Variants in TUT7 observed in about 807,000 individuals in gnomAD.
The protein encoded by TUT7 is terminal uridylyl transferase 7.
In TUT7, 33 loss-of-function variants were observed where a neutral mutation model predicts 165.9. The ratio of observed to expected loss-of-function variants is 0.20; its 90% CI spans 0.15 to 0.27. The LOEUF (loss-of-function observed/expected upper bound fraction) is 0.27, where lower values mean the gene tolerates loss of function less well. TUT7 is among the 10% of genes least tolerant of loss of function. The probability of loss-of-function intolerance (pLI) is 1.00; values close to 1 mark genes in which losing one functional copy is unlikely to be tolerated. For synonymous variants in TUT7, 552 were observed against 608.1 expected (o/e 0.91, Z 1.36); for missense variants, 1,338 against 1,762.3 (o/e 0.76, Z 4.31).
In TUT7 at chr9:86,320,447, CTGT is replaced by C. The variant is rs376721315; in HGVS notation, c.3029-780_3029-778del. Among the ~76,000 whole-genome samples, 21 of 152,184 alleles carry C rather than the reference CTGT, an allele frequency of 1.4e-4. No individual in the cohort carries two copies. In the East Asian group the frequency reaches 3.9e-3, roughly 28 times the overall value. ...CCCCAAATTTGTGTTCCTTAAAGGG[CTGT>C]TAAGTAGGCTATTAATTAGCGTTAC... On this transcript the variant is annotated intron_variant, in intron 14 of 26. Transcript: ENST00000375963.
intron 7 of TUT7, among the ~76,000 whole-genome samples, chr9:86,340,576 T>C (rs1005455089): frequency 6.6e-6 from 1 of 152,208 alleles, no homozygotes; most frequent in African/African-American, 2.4e-5. Context: ...AGCTGGACAT[T>C]GTATTAGACA....
chr9:86,323,995 C>T, intron 12 of TUT7, 35 bp from the exon 13 acceptor site: 3 of 1,468,642 alleles, frequency 2.0e-6, no homozygotes, highest in Non-Finnish European at 2.7e-6. Context: ...AAAAATCCAT[C>T]TCTTCATATG....
At chr9:86,289,961 GATA>G (rs1306974557) in intron 26 of TUT7, among the ~76,000 whole-genome samples, 2 of 151,960 alleles carry the variant, frequency 1.3e-5, no homozygotes, top group Non-Finnish European at 2.9e-5. Context: ...TACACAGAAG[GATA>G]ATAATATGAA....
In TUT7 at chr9:86,354,382, A is replaced by G. The variant is rs1185096410; in HGVS notation, c.-143T>C. ...GAGAAGGCGCCCAAGAGCACTCACC[A>G]CCTTCGCCGCGGTCCCCAGCCTCTT... On this transcript the variant is annotated 5_prime_UTR_variant, in exon 1 of 27. Coordinates refer to ENST00000375963, the MANE Select transcript of TUT7 (RefSeq NM_024617.4). The G allele has an allele frequency of 6.5e-6, 1 of 152,796 alleles. No individual in the cohort carries two copies. The highest frequency in any genetic ancestry group is 2.4e-5 in the African/African-American group (1 of 41,398). The allele number at this position is 152,796 out of a possible 1,614,324, so 9.5% of individuals were successfully genotyped here. A position where few individuals can be genotyped will look rare whatever the true frequency, so the allele number is the denominator to read the frequency against.
At chr9:86,345,211 C>A in intron 4 of TUT7, 57 bp from the exon 5 acceptor site, 1 of 1,525,676 alleles carries the variant, frequency 6.6e-7, no homozygotes, top group South Asian at 1.3e-5. Flanking sequence ...TGACCTTCTA[C>A]CACTCATGAA....
chr9:86,319,628 T>C lies in TUT7; in HGVS notation c.3071A>G (p.His1024Arg), dbSNP rs768224224. 1 of 1,609,648 alleles carries C rather than the reference T, an allele frequency of 6.2e-7. No individual in the cohort carries two copies. The highest frequency in any genetic ancestry group is 1.1e-5 in the South Asian group (1 of 89,554). Reference sequence around the variant, plus strand: ...GAAACTTTCTAGGTTTTGCCGAATATGTTCACGAGCCTGATCTTCTATAAT... The same window carrying C: ...GAAACTTTCTAGGTTTTGCCGAATACGTTCACGAGCCTGATCTTCTATAAT... Reference protein sequence around the residue: ...PTIIEDQAREHIRQNLESFIR... With the variant: ...PTIIEDQARERIRQNLESFIR... The change falls in exon 15 of 27, where the codon CAT becomes CGT. Residue 1024 changes from histidine (H) to arginine (R), a missense_variant. His to Arg is a conservative substitution (Grantham distance 29). This residue lies in a region of TUT7 where 157 missense variants were observed against 357.5 expected (regional missense o/e 0.44). Coordinates refer to ENST00000375963, the MANE Select transcript of TUT7 (RefSeq NM_024617.4).
rs762764983 is a variant in TUT7 at position 86,345,012 on chromosome 9, C to T, written c.962G>A (p.Arg321His). 20 of 1,612,510 alleles carry T rather than the reference C, an allele frequency of 1.2e-5. No homozygotes were observed. In the Admixed American group the frequency reaches 1.7e-4, roughly 13 times the overall value. Residue 321 changes from arginine to histidine, a missense_variant, in exon 5 of 27, where the codon CGT (arginine) becomes CAT (histidine). Coordinates refer to ENST00000375963, the MANE Select transcript of TUT7 (RefSeq NM_024617.4). ...ENLEQRLEIK[R>H]IMENVFQHKL... ...GTGTTGGAACACATTTTCCATGATA[C>T]GTTTAATTTCCAGCCTCTGTTCCAA...
At position 86,322,915 on chromosome 9, in the gene TUT7, AT is replaced by A. The variant is rs1829447982; in HGVS notation, c.2834del (p.Asp945ValfsTer19). On this transcript the variant is annotated frameshift_variant, in exon 13 of 27. Transcript: ENST00000375963. LOFTEE classifies it high-confidence loss of function. Reference sequence around the variant, plus strand: ...TAAGTTTACTGAATTCATAAAAAAAATCAGACTGATCCACAGGTGAATTTTT... The same window carrying A: ...TAAGTTTACTGAATTCATAAAAAAAACAGACTGATCCACAGGTGAATTTTT... ...EEKNSPVDQS[D>X]FFYEFSKLIF... 6.2e-7 allele frequency: 1 copy of A among 1,602,086 alleles called. No homozygotes were observed. Among genetic ancestry groups the A allele is most frequent in the Non-Finnish European group, 8.5e-7 (1 of 1,176,520 alleles).
At chr9:86,302,381 C>A (rs1421764302) in intron 25 of TUT7, among the ~76,000 whole-genome samples, 1 of 152,182 alleles carries the variant, frequency 6.6e-6, no homozygotes, top group East Asian at 1.9e-4. Context: ...ATATATATCC[C>A]AACGTGCTGA....
chr9:86,351,371 G>A (rs961645296), intron 2 of TUT7, among the ~76,000 whole-genome samples: 3 of 152,206 alleles, frequency 2.0e-5, no homozygotes, highest in Non-Finnish European at 4.4e-5. Context: ...AGGAGGCAGA[G>A]GTTGCAGTGA....
intron 9 of TUT7, among the ~76,000 whole-genome samples, chr9:86,338,484 T>C (rs1831034926): frequency 6.6e-6 from 1 of 152,226 alleles, no homozygotes; most frequent in African/African-American, 2.4e-5. Flanking sequence ...TTATTGGACA[T>C]GATATGAGAA....
chr9:86,317,341 GT>G (rs1256033503), intron 16 of TUT7, 65 bp from the exon 17 acceptor site: 2 of 1,288,056 alleles, frequency 1.6e-6, no homozygotes, highest in African/African-American at 1.5e-5. Flanking sequence ...ACTGGCTATA[GT>G]TTCCATTACC....
At chr9:86,304,547 G>A (rs886596136) in intron 24 of TUT7, among the ~76,000 whole-genome samples, 3 of 151,926 alleles carry the variant, frequency 2.0e-5, no homozygotes, top group Admixed American at 6.6e-5. Context: ...GCATCAAGCC[G>A]AATGCTGGCA....
chr9:86,346,347 C>T lies in TUT7; in HGVS notation c.654G>A (p.Gln218=). The change falls in exon 3 of 27, where the codon CAG becomes CAA. Residue 218 remains glutamine, a synonymous_variant. Coordinates refer to ENST00000375963, the MANE Select transcript of TUT7 (RefSeq NM_024617.4). ...CTCTCTTCAGTCTCTCCTCAGCCTG[C>T]TGTAAGCCTAGCAGCTCCTTCGTTG... is the stretch of plus-strand genomic sequence containing the variant. ...VLSTKELLGL[Q]QAEERLKRDC... is the part of the protein sequence containing the mutation. 6.2e-7 allele frequency: 1 copy of T among 1,614,094 alleles called. No homozygotes were observed.
chr9:86,305,449 A>C (rs1445580473), intron 22 of TUT7, among the ~76,000 whole-genome samples: 1 of 152,228 alleles, frequency 6.6e-6, no homozygotes, highest in African/African-American at 2.4e-5. Flanking sequence ...AAAGCTAAGC[A>C]ATACATATTC....
chr9:86,337,398 A>C (rs10512175), intron 10 of TUT7, 21 bp downstream of exon 10: 50,204 of 1,596,050 alleles, frequency 0.031, 955 homozygotes, highest in Non-Finnish European at 0.037. Context: ...CAGATATATA[A>C]GCAAAAAAAA....
At chr9:86,337,362 A>G (rs900110010) in intron 10 of TUT7, 57 bp downstream of exon 10, 13 of 1,559,074 alleles carry the variant, frequency 8.3e-6, no homozygotes, top group Non-Finnish European at 1.1e-5. Flanking sequence ...GCAAAATTTA[A>G]TTGTGGACCT....
chr9:86,342,103 G>A lies in TUT7; in HGVS notation c.1086+972C>T, dbSNP rs138034594. ...AGTCTATTGGGTAGCTTACCAGGTAGCTACAGCACTCAGGTTTAGCAAGAA... is the reference window on the plus strand; with the variant it reads ...AGTCTATTGGGTAGCTTACCAGGTAACTACAGCACTCAGGTTTAGCAAGAA... On this transcript the variant is annotated intron_variant, in intron 6 of 26. Coordinates refer to ENST00000375963, the MANE Select transcript of TUT7 (RefSeq NM_024617.4). Among the ~76,000 whole-genome samples the A allele has an allele frequency of 6.2e-3, 950 of 152,282 alleles. 4 individuals are homozygous for A. Among genetic ancestry groups the A allele is most frequent in the Middle Eastern group, 0.02 (6 of 294 alleles).
At chr9:86,298,373 G>A (rs1826550815) in intron 26 of TUT7, among the ~76,000 whole-genome samples, 1 of 152,198 alleles carries the variant, frequency 6.6e-6, no homozygotes, top group Non-Finnish European at 1.5e-5. Context: ...GTAGCTGAGA[G>A]GTAACAGTGG....
Sources: allele counts gnomAD v4.1 joint callset (sites outside exome capture counted in the v4.1 genomes callset), GRCh38; gene constraint gnomAD v4.1.1; regional missense constraint gnomAD v4.1.1; transcripts MANE v1.5; gene names NCBI Gene and HGNC (gene_info 2026-07-23, HGNC 2026-07-21).